The following GRID2 variants were observed in gnomAD, a reference collection of about 807,000 sequenced individuals.
GRID2 encodes glutamate receptor ionotropic, delta-2.
In GRID2, 33 loss-of-function variants were observed where a neutral mutation model predicts 114.8. That is an observed-to-expected ratio of 0.29 (90% CI 0.22 to 0.38). The LOEUF is 0.38. GRID2 is among the 10% of genes least tolerant of loss of function. The probability of loss-of-function intolerance (pLI) is 1.00; values close to 1 mark genes in which losing one functional copy is unlikely to be tolerated. For synonymous variants in GRID2, 505 were observed against 449.9 expected, an observed-to-expected ratio of 1.12 and a Z score of -1.55; for missense variants, 1,184 against 1,257.7, an observed-to-expected ratio of 0.94 and a Z score of 0.89.
intron 1 of GRID2, among the ~76,000 whole-genome samples, chr4:92,417,307 T>A (rs185018876): frequency 3.0e-4 from 46 of 152,190 alleles, no homozygotes; most frequent in African/African-American, 1.0e-3. Context: ...GAAAATAAAA[T>A]GAGAGCAAAA....
chr4:92,494,922 A>C (rs1422757087), intron 1 of GRID2, among the ~76,000 whole-genome samples: 1 of 152,062 alleles, frequency 6.6e-6, no homozygotes, highest in Non-Finnish European at 1.5e-5. Context: ...TTGTTAGATA[A>C]AAATTATGCA....
chr4:93,034,214 C>G (rs1724704086), intron 2 of GRID2, among the ~76,000 whole-genome samples: 1 of 152,158 alleles, frequency 6.6e-6, no homozygotes, highest in South Asian at 2.1e-4. Context: ...CACATTTAGA[C>G]AGATGGGAAG....
At chr4:93,698,702 C>T (rs1727254654) in intron 14 of GRID2, among the ~76,000 whole-genome samples, 2 of 151,962 alleles carry the variant, frequency 1.3e-5, no homozygotes, top group South Asian at 4.1e-4. Context: ...TTTATTTTTA[C>T]ATTTTCTCTG....
chr4:92,319,499 G>A (rs1726193206), intron 1 of GRID2, among the ~76,000 whole-genome samples: 2 of 152,200 alleles, frequency 1.3e-5, no homozygotes, highest in African/African-American at 4.8e-5. Context: ...AGAATGTCAG[G>A]TCATTCAGGC....
At chr4:92,895,901 C>A (rs1747132332) in intron 2 of GRID2, among the ~76,000 whole-genome samples, 1 of 152,076 alleles carries the variant, frequency 6.6e-6, no homozygotes, top group South Asian at 2.1e-4. Context: ...TCTAGCAATA[C>A]CTGGATTTTT....
At chr4:92,659,892 C>T (rs966944608) in intron 2 of GRID2, among the ~76,000 whole-genome samples, 13 of 151,418 alleles carry the variant, frequency 8.6e-5, no homozygotes, top group African/African-American at 3.1e-4. Context: ...TTAGTACATT[C>T]TTTCCTCGGA....
chr4:93,235,479 A>G (rs1395288206), intron 7 of GRID2, among the ~76,000 whole-genome samples: 1 of 152,126 alleles, frequency 6.6e-6, no homozygotes. Context: ...TTTCAAGGTT[A>G]ATTTGAGGAT....
At chr4:93,398,814 GGTT>G (rs1192040723) in intron 9 of GRID2, among the ~76,000 whole-genome samples, 1 of 150,072 alleles carries the variant, frequency 6.7e-6, no homozygotes, top group Non-Finnish European at 1.5e-5. Flanking sequence ...TTGAGTAACA[GGTT>G]GTTATACTTA....
chr4:92,690,823 A>G (rs950959302), intron 2 of GRID2, among the ~76,000 whole-genome samples: 2 of 152,174 alleles, frequency 1.3e-5, no homozygotes, highest in African/African-American at 4.8e-5. Flanking sequence ...AATTAAAAAA[A>G]AAACCAACCA....
chr4:93,685,204 T>C (rs1025997181), intron 14 of GRID2, among the ~76,000 whole-genome samples: 1 of 152,100 alleles, frequency 6.6e-6, no homozygotes, highest in Non-Finnish European at 1.5e-5. Flanking sequence ...TAAGTACTGG[T>C]GTCTGTACCA....
intron 1 of GRID2, among the ~76,000 whole-genome samples, chr4:92,517,645 T>C (rs571643510): frequency 1.1e-4 from 16 of 152,054 alleles, no homozygotes; most frequent in African/African-American, 3.6e-4. Flanking sequence ...TTCAGAAGAC[T>C]GTGCCTTCAG....
At chr4:93,312,363 A>ATTG (rs1756110674) in intron 8 of GRID2, among the ~76,000 whole-genome samples, 1 of 152,154 alleles carries the variant, frequency 6.6e-6, no homozygotes. Context: ...TGAAAATTGG[A>ATTG]TTGTGTTTTG....
chr4:92,965,170 G>A (rs1310794424), intron 2 of GRID2, among the ~76,000 whole-genome samples: 1 of 151,700 alleles, frequency 6.6e-6, no homozygotes, highest in Non-Finnish European at 1.5e-5. Flanking sequence ...TGGGAGGGGG[G>A]AATTGGGGAT....
intron 2 of GRID2, among the ~76,000 whole-genome samples, chr4:92,923,963 G>A (rs1047786458): frequency 4.6e-5 from 7 of 152,016 alleles, no homozygotes; most frequent in East Asian, 1.9e-4. Flanking sequence ...TGTTTATTGC[G>A]GCACTATTCA....
chr4:92,895,245 A>G (rs1440547332), intron 2 of GRID2, among the ~76,000 whole-genome samples: 3 of 151,734 alleles, frequency 2.0e-5, no homozygotes, highest in Admixed American at 6.6e-5. Flanking sequence ...TGGCAAAACA[A>G]GGTTCTAAAG....
At chr4:92,685,184 C>G (rs545623193) in intron 2 of GRID2, among the ~76,000 whole-genome samples, 1 of 152,014 alleles carries the variant, frequency 6.6e-6, no homozygotes, top group South Asian at 2.1e-4. Context: ...TAGAAATGTT[C>G]TACTTACTTT....
intron 1 of GRID2, among the ~76,000 whole-genome samples, chr4:92,399,351 T>C (rs912368064): frequency 7.9e-5 from 12 of 152,120 alleles, no homozygotes; most frequent in Non-Finnish European, 1.8e-4. Flanking sequence ...CCCGTCTTCC[T>C]TCAGGCCCAC....
In GRID2 at chr4:93,040,174, ATTTAC is replaced by A. The variant is rs372063936; in HGVS notation, c.245-44816_245-44812del. The stretch of plus-strand genomic sequence containing the variant: ...AGCAAATATATAAACACTCAATTTC[ATTTAC>A]TTTAATATAAAAACTAACAAGTTTC... On this transcript the variant is annotated intron_variant, in intron 2 of 15. Coordinates refer to ENST00000282020, the MANE Select transcript of GRID2 (RefSeq NM_001510.4). 1.1e-4 allele frequency among the ~76,000 whole-genome samples: 17 copies of A among 152,112 alleles called. 1 individual carries two copies. The highest frequency in any genetic ancestry group is 4.1e-4 in the African/African-American group (17 of 41,510).
At chr4:92,775,385 A>C (rs1468634073) in intron 2 of GRID2, among the ~76,000 whole-genome samples, 1 of 152,188 alleles carries the variant, frequency 6.6e-6, no homozygotes, top group African/African-American at 2.4e-5. Context: ...ATGACAGAAA[A>C]ACCATCAAGT....
Sources: allele counts gnomAD v4.1 joint callset (sites outside exome capture counted in the v4.1 genomes callset), GRCh38; gene constraint gnomAD v4.1.1; transcripts MANE v1.5; gene names NCBI Gene and HGNC (gene_info 2026-07-23, HGNC 2026-07-21).